FARS2: variants seen among roughly 807,000 people sequenced by gnomAD.
The protein encoded by FARS2 is phenylalanyl-tRNA synthetase 2, mitochondrial.
Under a neutral mutation model 46.4 loss-of-function variants are expected in FARS2, and 40 were observed. The observed-to-expected ratio is 0.86, with a 90% CI of 0.67 to 1.12. The LOEUF is 1.12. Ranked by LOEUF, FARS2 falls within the 50% of genes most tolerant of loss-of-function variation. The pLI, the probability that FARS2 is intolerant of heterozygous loss-of-function variation, is 0.00. For synonymous variants in FARS2, 234 were observed against 214.9 expected (o/e 1.09, Z -0.78); for missense variants, 513 against 567.9 (o/e 0.90, Z 0.98).
intron 5 of FARS2, among the ~76,000 whole-genome samples, chr6:5,547,721 C>T (rs1395376390): frequency 6.6e-6 from 1 of 152,228 alleles, no homozygotes; most frequent in African/African-American, 2.4e-5. Flanking sequence ...TTCCAATCTG[C>T]CATGCCAGCC....
intron 6 of FARS2, among the ~76,000 whole-genome samples, chr6:5,693,799 A>G (rs1757923982): frequency 6.6e-6 from 1 of 152,146 alleles, no homozygotes; most frequent in Non-Finnish European, 1.5e-5. Flanking sequence ...TGGCTGGAGA[A>G]CATTTCACCT....
At chr6:5,643,112 TAAAG>T (rs2150743443) in intron 6 of FARS2, among the ~76,000 whole-genome samples, 1 of 152,324 alleles carries the variant, frequency 6.6e-6, no homozygotes, top group East Asian at 1.9e-4. Flanking sequence ...TACGATTACT[TAAAG>T]AAATAAATAG....
chr6:5,319,292 G>T (rs1466307080), intron 1 of FARS2, among the ~76,000 whole-genome samples: 1 of 152,172 alleles, frequency 6.6e-6, no homozygotes, highest in African/African-American at 2.4e-5. Context: ...GGGCAAGTGG[G>T]CTCCAGCATC....
chr6:5,578,052 C>T lies in FARS2; in HGVS notation c.1065+32712C>T, dbSNP rs1041273816. Among the ~76,000 whole-genome samples, 7 of 152,122 alleles carry T rather than the reference C, an allele frequency of 4.6e-5. No individual in the cohort carries two copies. The South Asian group carries it at 6.2e-4, about 14-fold the overall frequency. On this transcript the variant is annotated intron_variant, in intron 5 of 6. Transcript: ENST00000274680. Reference sequence around the variant, plus strand: ...TTCTGACCTCGTGATCCGCCCATCTCGGCCTCCTAAAGTGCTGGGATTACA... The same window carrying T: ...TTCTGACCTCGTGATCCGCCCATCTTGGCCTCCTAAAGTGCTGGGATTACA...
In FARS2 at chr6:5,764,678, A is replaced by G. The variant is rs182381804; in HGVS notation, c.1218-6613A>G. 2.6e-3 allele frequency among the ~76,000 whole-genome samples: 391 copies of G among 152,316 alleles called. 1 individual carries two copies. Among genetic ancestry groups the G allele is most frequent in the Non-Finnish European group, 4.2e-3 (284 of 68,018 alleles). ...GGTGTTGAGCGCACCATCCAAGAACATGAAGTCGCTGCTCTGTCACAGATG... is the reference window on the plus strand; with the variant it reads ...GGTGTTGAGCGCACCATCCAAGAACGTGAAGTCGCTGCTCTGTCACAGATG... On this transcript the variant is annotated intron_variant, in intron 6 of 6. Transcript: ENST00000274680. This position sits in a 1 kb window ranked among gnomAD's most constrained non-coding sequence, Gnocchi z 4.1.
chr6:5,499,356 T>C (rs1767658875), intron 4 of FARS2, among the ~76,000 whole-genome samples: 1 of 152,196 alleles, frequency 6.6e-6, no homozygotes, highest in African/African-American at 2.4e-5. Context: ...TCCAGACACA[T>C]GTTTCCTTCA....
chr6:5,709,834 A>G (rs1378745050), intron 6 of FARS2, among the ~76,000 whole-genome samples: 2 of 151,982 alleles, frequency 1.3e-5, no homozygotes, highest in Admixed American at 1.3e-4. Context: ...TCCCAGCCCT[A>G]TTCTCCACCT....
At chr6:5,325,479 G>C (rs1770306125) in intron 1 of FARS2, among the ~76,000 whole-genome samples, 1 of 152,244 alleles carries the variant, frequency 6.6e-6, no homozygotes, top group Non-Finnish European at 1.5e-5. Context: ...GGTTTCAGCT[G>C]TGTGCAGCCT....
At chr6:5,327,134 C>T (rs1372408013) in intron 1 of FARS2, among the ~76,000 whole-genome samples, 2 of 152,154 alleles carry the variant, frequency 1.3e-5, no homozygotes, top group African/African-American at 2.4e-5. Context: ...ACCTTCATAA[C>T]TTTTGGCTGA....
At chr6:5,700,829 G>T (rs1016016291) in intron 6 of FARS2, among the ~76,000 whole-genome samples, 3 of 152,166 alleles carry the variant, frequency 2.0e-5, no homozygotes, top group African/African-American at 7.2e-5. Context: ...CACGTGGGCC[G>T]CGCTCTGCTG....
intron 4 of FARS2, among the ~76,000 whole-genome samples, chr6:5,464,280 T>C (rs183223): frequency 0.56 from 85,687 of 152,100 alleles, 24,287 homozygotes; most frequent in East Asian, 0.72. Context: ...GAGCAGCTGG[T>C]TTGATCAGCA....
At chr6:5,448,001 A>G (rs1425215202) in intron 4 of FARS2, among the ~76,000 whole-genome samples, 2 of 152,206 alleles carry the variant, frequency 1.3e-5, no homozygotes, top group Non-Finnish European at 1.5e-5. Flanking sequence ...GCACAATAGG[A>G]AGGCAGGGCC....
intron 6 of FARS2, among the ~76,000 whole-genome samples, chr6:5,640,726 T>C (rs1407229531): frequency 6.6e-6 from 1 of 152,220 alleles, no homozygotes; most frequent in Non-Finnish European, 1.5e-5. Flanking sequence ...ACCAGACACC[T>C]GACCCATACC....
chr6:5,450,153 T>C (rs962327629), intron 4 of FARS2, among the ~76,000 whole-genome samples: 2 of 152,238 alleles, frequency 1.3e-5, no homozygotes, highest in Non-Finnish European at 2.9e-5. Context: ...AGATGGCCCC[T>C]GCCCTCCTGC....
intron 4 of FARS2, chr6:5,431,754 G>C (rs1458260584): frequency 3.9e-6 from 2 of 515,594 alleles, no homozygotes; most frequent in Admixed American, 4.1e-5. Context: ...AGAAAGATCT[G>C]TCTGGCTCTT....
intron 2 of FARS2, among the ~76,000 whole-genome samples, chr6:5,375,117 T>C (rs1581920576): frequency 2.1e-5 from 3 of 143,844 alleles, no homozygotes; most frequent in South Asian, 4.2e-4. Context: ...GGCATAAGCA[T>C]TGGAAAACAT....
At chr6:5,475,132 G>A (rs1275635731) in intron 4 of FARS2, among the ~76,000 whole-genome samples, 4 of 152,174 alleles carry the variant, frequency 2.6e-5, no homozygotes, top group African/African-American at 4.8e-5. Flanking sequence ...TTGCAGATAG[G>A]AGAAATGACT....
chr6:5,728,455 G>A (rs933239774), intron 6 of FARS2, among the ~76,000 whole-genome samples: 3 of 152,096 alleles, frequency 2.0e-5, no homozygotes, highest in Non-Finnish European at 2.9e-5. Flanking sequence ...GACAGGGAGG[G>A]GGTGAGGAGG....
intron 4 of FARS2, among the ~76,000 whole-genome samples, chr6:5,497,947 C>G (rs956524959): frequency 6.6e-6 from 1 of 152,176 alleles, no homozygotes; most frequent in African/African-American, 2.4e-5. Flanking sequence ...CCCCAGAGAG[C>G]TATAATTTAG....
Sources: gnomAD v4.1 joint callset for allele counts (sites outside exome capture counted in the v4.1 genomes callset) on GRCh38, gnomAD v4.1.1 for gene constraint, Gnocchi (gnomAD v3.1) non-coding constraint, MANE v1.5 for transcripts, NCBI Gene and HGNC (gene_info 2026-07-23, HGNC 2026-07-21) for gene names.